The following TIAM2 variants were observed in gnomAD, a reference collection of about 807,000 sequenced individuals.
The protein encoded by TIAM2 is rho guanine nucleotide exchange factor TIAM2.
TIAM2 carries 80 observed loss-of-function variants against 152.9 expected under a neutral mutation model. The observed-to-expected ratio is 0.52, with a 90% CI of 0.44 to 0.63. The LOEUF is 0.63. Among genes scored for constraint, TIAM2 ranks in the 30% least tolerant of loss-of-function variants. TIAM2 has a pLI of 0.00. For missense variants in TIAM2, 1,965 were observed against 2,120.1 expected (o/e 0.93, Z 1.44); for synonymous variants, 804 against 838.0 (o/e 0.96, Z 0.70).
rs1430860867 is a variant in TIAM2 at position 155,234,003 on chromosome 6, T to TG, written c.3169-6518dup. Among the ~76,000 whole-genome samples the TG allele has an allele frequency of 2.9e-3, 434 of 147,322 alleles. 1 individual carries two copies. Among genetic ancestry groups the TG allele is most frequent in the African/African-American group, 8.8e-3 (344 of 39,118 alleles). On this transcript the variant is annotated intron_variant, in intron 15 of 26. Transcript: ENST00000682666. ...AAACAATTTGAGAGAAAATTTTTTT[T>TG]GGGGGGGGGTTGGGGTTCAATATCA...
At chr6:155,141,374 GTTAAAAAC>G (rs1779700550) in intron 5 of TIAM2, among the ~76,000 whole-genome samples, 1 of 143,274 alleles carries the variant, frequency 7.0e-6, no homozygotes, top group Admixed American at 7.6e-5. Flanking sequence ...TTTAATCTTA[GTTAAAAAC>G]ACATATATGT....
intron 2 of TIAM2, among the ~76,000 whole-genome samples, chr6:155,092,047 A>G (rs6903370): frequency 0.56 from 84,232 of 151,174 alleles, 23,965 homozygotes; most frequent in Admixed American, 0.67. Context: ...ACAGGCCCAC[A>G]CCACTGGGCC....
At position 155,048,178 on chromosome 6, in the gene TIAM2, C is replaced by T. The variant is rs533810538; in HGVS notation, c.-208-42111C>T. ...GTATTGGCCAGGCTGGTTTTGAACG[C>T]CTGACCTCAAGTGATCTGCCTGACT... On this transcript the variant is annotated intron_variant, in intron 1 of 26. Coordinates refer to ENST00000682666, the MANE Select transcript of TIAM2 (RefSeq NM_012454.4). Among the ~76,000 whole-genome samples, 7 of 152,250 alleles carry T rather than the reference C, an allele frequency of 4.6e-5. No homozygotes were observed. In the East Asian group the frequency reaches 9.7e-4, roughly 21 times the overall value.
chr6:155,048,011 G>A (rs1200452298), intron 1 of TIAM2, among the ~76,000 whole-genome samples: 3 of 151,776 alleles, frequency 2.0e-5, no homozygotes, highest in African/African-American at 7.3e-5. Context: ...GGAGTGCAGT[G>A]GCGCGATCTC....
chr6:155,059,324 GTGCGCGTGTA>G (rs1177533627), intron 1 of TIAM2, among the ~76,000 whole-genome samples: 4 of 137,580 alleles, frequency 2.9e-5, no homozygotes, highest in African/African-American at 1.1e-4. Flanking sequence ...GTGTGTGTGT[GTGCGCGTGTA>G]TGTTTTTGAG....
chr6:155,254,144 TG>T (rs1783854726), intron 25 of TIAM2, 84 bp downstream of exon 25: 1 of 1,393,686 alleles, frequency 7.2e-7, no homozygotes, highest in Admixed American at 2.1e-5. Flanking sequence ...AGTGCCCTCC[TG>T]AATTTTGATG....
intron 2 of TIAM2, among the ~76,000 whole-genome samples, chr6:155,106,439 G>T (rs909719931): frequency 3.3e-5 from 5 of 152,112 alleles, no homozygotes; most frequent in African/African-American, 9.7e-5. Flanking sequence ...AAAGCACCAC[G>T]TTGGGGTAAC....
chr6:155,002,171 G>A (rs994991600), intron 1 of TIAM2, among the ~76,000 whole-genome samples: 3 of 152,170 alleles, frequency 2.0e-5, no homozygotes, highest in Non-Finnish European at 4.4e-5. Context: ...CACTTTGGTC[G>A]GCTGAGGCGG....
intron 1 of TIAM2, among the ~76,000 whole-genome samples, chr6:155,044,806 C>A (rs1454146460): frequency 6.7e-6 from 1 of 150,258 alleles, no homozygotes; most frequent in South Asian, 2.1e-4. Flanking sequence ...CCAGCCTGGG[C>A]GACAGAGCAA....
chr6:155,118,991 A>C (rs1418525550), intron 2 of TIAM2, among the ~76,000 whole-genome samples: 1 of 150,016 alleles, frequency 6.7e-6, no homozygotes, highest in Non-Finnish European at 1.5e-5. Context: ...TCTGTATCTG[A>C]AGTGTTTGCC....
At position 155,214,151 on chromosome 6, in the gene TIAM2, GCCACTTCAGGATTGGGTGGGGCTT is replaced by G. The variant is rs1454403527; in HGVS notation, c.3168+2849_3168+2872del. Among the ~76,000 whole-genome samples, 2 of 152,240 alleles carry G rather than the reference GCCACTTCAGGATTGGGTGGGGCTT, an allele frequency of 1.3e-5. No homozygotes were observed. The highest frequency in any genetic ancestry group is 4.8e-5 in the African/African-American group (2 of 41,456). On this transcript the variant is annotated intron_variant, in intron 15 of 26. Coordinates refer to ENST00000682666, the MANE Select transcript of TIAM2 (RefSeq NM_012454.4). The surrounding 1 kb of genome is among the most constrained non-coding windows in gnomAD (Gnocchi z 5.4). ...CCGAGGAGCACGAGGCTCCCGCCCT[GCCACTTCAGGATTGGGTGGGGCTT>G]CCACATTCTCAGCTCCTGCTGGCTC...
At chr6:155,042,484 T>C (rs1432931917) in intron 1 of TIAM2, among the ~76,000 whole-genome samples, 1 of 152,116 alleles carries the variant, frequency 6.6e-6, no homozygotes, top group African/African-American at 2.4e-5. Flanking sequence ...CCCAGCTTAC[T>C]CGGGAGGCTG....
chr6:155,255,429 T>C (rs1226738667), intron 26 of TIAM2: 1 of 152,206 alleles, frequency 6.6e-6, no homozygotes. Context: ...TTCTTGTTTT[T>C]AGGCTTAGAA....
chr6:155,137,593 G>T lies in TIAM2; in HGVS notation c.1611G>T (p.Gln537His), dbSNP rs1369828907. 1 of 1,598,926 alleles carries T rather than the reference G, an allele frequency of 6.3e-7. No individual in the cohort carries two copies. The highest frequency in any genetic ancestry group is 8.5e-7 in the Non-Finnish European group (1 of 1,176,550). The change falls in exon 5 of 27, where the codon CAG becomes CAT. Residue 537 changes from glutamine (Q) to histidine (H), a missense_variant. Transcript: ENST00000682666. The part of the protein sequence containing the change: ...LELVARRKWK[Q>H]YWVTLKGCTL... The stretch of plus-strand genomic sequence containing the variant: ...TGGTGGCACGAAGGAAATGGAAACA[G>T]TACTGGGTAACGCTGAAAGGTGAGT...
At chr6:155,042,069 G>T (rs567165295) in intron 1 of TIAM2, among the ~76,000 whole-genome samples, 1 of 151,828 alleles carries the variant, frequency 6.6e-6, no homozygotes, top group East Asian at 1.9e-4. Context: ...TATGGGAGAG[G>T]AAAGCCTTTT....
At chr6:155,140,919 A>G (rs1779687292) in intron 5 of TIAM2, among the ~76,000 whole-genome samples, 1 of 152,194 alleles carries the variant, frequency 6.6e-6, no homozygotes, top group Admixed American at 6.5e-5. Flanking sequence ...ATTTGTCCAG[A>G]GCCAAATTGT....
At chr6:155,083,292 T>C (rs527968982) in intron 1 of TIAM2, among the ~76,000 whole-genome samples, 2 of 143,210 alleles carry the variant, frequency 1.4e-5, no homozygotes, top group African/African-American at 5.3e-5. Flanking sequence ...GAGGTTACAG[T>C]GAGCCAAGAT....
At chr6:155,046,054 C>G (rs528149325) in intron 1 of TIAM2, among the ~76,000 whole-genome samples, 1 of 151,822 alleles carries the variant, frequency 6.6e-6, no homozygotes, top group South Asian at 2.1e-4. Context: ...TGCCTGCTCC[C>G]ACACCATTGC....
rs183896085 is a variant in TIAM2, at chr6:155,029,336, T to G, written c.-209+33844T>G. 3.3e-3 allele frequency among the ~76,000 whole-genome samples: 337 copies of G among 101,008 alleles called. 23 individuals carry two copies. The highest frequency in any genetic ancestry group is 0.012 in the African/African-American group (325 of 26,056). 66.3% of individuals were successfully genotyped at this position (101,008 alleles called of 152,430 possible). A position where few individuals can be genotyped will look rare whatever the true frequency, so the allele number is the denominator to read the frequency against. On this transcript the variant is annotated intron_variant, in intron 1 of 26. Coordinates refer to ENST00000682666, the MANE Select transcript of TIAM2 (RefSeq NM_012454.4). ...TATATATACTATATGTACTATGTGT[T>G]ATATATAATATATATACGTTATATA...
Sources: allele counts gnomAD v4.1 joint callset (sites outside exome capture counted in the v4.1 genomes callset), GRCh38; gene constraint gnomAD v4.1.1; non-coding constraint Gnocchi (gnomAD v3.1); transcripts MANE v1.5; gene names NCBI Gene and HGNC (gene_info 2026-07-23, HGNC 2026-07-21).